Variants in CSMD3 observed in about 807,000 individuals in gnomAD.
CSMD3 encodes CUB and Sushi multiple domains 3.
Under a neutral mutation model 435.2 loss-of-function variants are expected in CSMD3, and 177 were observed. The ratio of observed to expected loss-of-function variants is 0.41; its 90% CI spans 0.36 to 0.46. The LOEUF (loss-of-function observed/expected upper bound fraction) is 0.46. Ranked by LOEUF, CSMD3 falls within the 20% of genes least tolerant of loss-of-function variation. CSMD3 has a pLI of 0.34. For missense variants in CSMD3, 4,265 were observed against 4,504.6 expected (o/e 0.95, Z 1.52); for synonymous variants, 1,656 against 1,520.5 (o/e 1.09, Z -2.07).
At chr8:113,043,656 T>G (rs1431510189) in intron 5 of CSMD3, among the ~76,000 whole-genome samples, 1 of 152,188 alleles carries the variant, frequency 6.6e-6, no homozygotes, top group Non-Finnish European at 1.5e-5. Flanking sequence ...TTTCAAATTG[T>G]GAGCTAAAGC....
chr8:113,424,601 G>T (rs1158927244), intron 1 of CSMD3, among the ~76,000 whole-genome samples: 1 of 151,190 alleles, frequency 6.6e-6, no homozygotes, highest in African/African-American at 2.4e-5. Context: ...AAAAAAAAGT[G>T]TAAGAGCACA....
intron 38 of CSMD3, among the ~76,000 whole-genome samples, chr8:112,362,204 C>A (rs1335466949): frequency 6.6e-6 from 1 of 151,896 alleles, no homozygotes; most frequent in African/African-American, 2.4e-5. Flanking sequence ...ATTGATTAAT[C>A]TACTAAACAA....
At chr8:112,249,465 G>T (rs542070941) in intron 63 of CSMD3, among the ~76,000 whole-genome samples, 1 of 150,652 alleles carries the variant, frequency 6.6e-6, no homozygotes, top group African/African-American at 2.4e-5. Context: ...TGCTGCTGCC[G>T]GTTAGGCGCT....
At chr8:112,276,797 C>CT (rs1220819572) in intron 59 of CSMD3, among the ~76,000 whole-genome samples, 1 of 152,166 alleles carries the variant, frequency 6.6e-6, no homozygotes, top group Middle Eastern at 3.2e-3. Flanking sequence ...CAATTCTTGA[C>CT]TTCTGTGCAC....
chr8:112,233,788 A>G (rs1813309762), intron 68 of CSMD3, among the ~76,000 whole-genome samples: 1 of 152,152 alleles, frequency 6.6e-6, no homozygotes, highest in Non-Finnish European at 1.5e-5. Flanking sequence ...CTCCACTCAC[A>G]TAAATCACTT....
intron 6 of CSMD3, among the ~76,000 whole-genome samples, chr8:113,016,437 G>C (rs2086461520): frequency 6.6e-6 from 1 of 151,658 alleles, no homozygotes; most frequent in African/African-American, 2.4e-5. Context: ...ATCAATTATG[G>C]AACACACTAT....
At chr8:112,833,885 C>A (rs1226644684) in intron 11 of CSMD3, among the ~76,000 whole-genome samples, 1 of 151,930 alleles carries the variant, frequency 6.6e-6, no homozygotes. Flanking sequence ...ATCACCCCAA[C>A]CTATTTCACA....
At chr8:112,637,108 CAT>C in intron 21 of CSMD3, 103 bp from the exon 22 acceptor site, 1 of 912,604 alleles carries the variant, frequency 1.1e-6, no homozygotes, top group Non-Finnish European at 1.8e-6. Flanking sequence ...AGAACCTAGT[CAT>C]ATATTTAGAA....
At chr8:112,975,804 C>G (rs2130930934) in intron 7 of CSMD3, 33 bp downstream of exon 7, 1 of 1,611,754 alleles carries the variant, frequency 6.2e-7, no homozygotes, top group Non-Finnish European at 8.5e-7. Context: ...TTGGCTGTAA[C>G]TAAATGGGCA....
chr8:112,749,434 G>T (rs2077516310), intron 13 of CSMD3, among the ~76,000 whole-genome samples: 1 of 152,058 alleles, frequency 6.6e-6, no homozygotes, highest in Admixed American at 6.5e-5. Context: ...GTCCAGGATG[G>T]TATAGCCTTT....
chr8:113,333,805 A>G (rs2132790410), intron 1 of CSMD3, among the ~76,000 whole-genome samples: 1 of 151,998 alleles, frequency 6.6e-6, no homozygotes, highest in East Asian at 1.9e-4. Flanking sequence ...ACGTCTACAA[A>G]AAGTCTTGTT....
chr8:113,033,930 A>G (rs1042754599), intron 5 of CSMD3, among the ~76,000 whole-genome samples: 1 of 151,130 alleles, frequency 6.6e-6, no homozygotes, highest in Non-Finnish European at 1.5e-5. Context: ...TTCTCAGGAG[A>G]TCTGATAGTT....
At chr8:113,024,351 G>A (rs1040149480) in intron 5 of CSMD3, among the ~76,000 whole-genome samples, 8 of 148,616 alleles carry the variant, frequency 5.4e-5, no homozygotes, top group Admixed American at 1.3e-4. Context: ...TTCTTAATCC[G>A]TTCATACATC....
Position 112,263,543 on chromosome 8 carries a change from C to G in CSMD3, c.9862+96G>C, listed in dbSNP as rs1461541265. The G allele has an allele frequency of 7.5e-6, 7 of 936,340 alleles. No homozygotes were observed. The East Asian group carries it at 1.8e-4, about 24-fold the overall frequency. 58.0% of individuals were successfully genotyped at this position (936,340 alleles called of 1,614,324 possible). On this transcript the variant is annotated intron_variant, in intron 61 of 70. Coordinates refer to ENST00000297405, the MANE Select transcript of CSMD3 (RefSeq NM_198123.2). ...GGTAAATACTGATTTTTCTTTGAAC[C>G]CTAATTAGGCATTGAAGGAAGCTTA...
intron 1 of CSMD3, among the ~76,000 whole-genome samples, chr8:113,367,706 G>C (rs1474651272): frequency 6.6e-6 from 1 of 151,746 alleles, no homozygotes; most frequent in Non-Finnish European, 1.5e-5. Flanking sequence ...TCCATTCAGG[G>C]CCTTTGCACT....
intron 13 of CSMD3, among the ~76,000 whole-genome samples, chr8:112,799,182 AAATT>A (rs2078901442): frequency 6.6e-6 from 1 of 151,884 alleles, no homozygotes; most frequent in African/African-American, 2.4e-5. Context: ...TGAACTATTC[AAATT>A]AATACAGTAC....
chr8:112,483,754 G>A (rs1819855854), intron 31 of CSMD3, among the ~76,000 whole-genome samples: 1 of 152,158 alleles, frequency 6.6e-6, no homozygotes, highest in South Asian at 2.1e-4. Flanking sequence ...AAAGCTTAGA[G>A]GTAATAGCAG....
chr8:112,531,935 C>T (rs1469186008), intron 27 of CSMD3, among the ~76,000 whole-genome samples: 1 of 151,906 alleles, frequency 6.6e-6, no homozygotes, highest in Non-Finnish European at 1.5e-5. Context: ...TTGGTGCATT[C>T]AAAATAGCTA....
Position 113,330,235 on chromosome 8 carries a change from A to C in CSMD3, c.179-15442T>G, listed in dbSNP as rs1437322596. On this transcript the variant is annotated intron_variant, in intron 1 of 70. Transcript: ENST00000297405. ...TTCTGTCTGTTTTGGAAATTAAGTT[A>C]GTATTAATCTGAACTAGAATGTTGA... Among the ~76,000 whole-genome samples the C allele has an allele frequency of 3.9e-5, 6 of 152,082 alleles. No homozygotes were observed. In the East Asian group the frequency reaches 1.2e-3, roughly 29 times the overall value.
Sources: allele counts gnomAD v4.1 joint callset (sites outside exome capture counted in the v4.1 genomes callset), GRCh38; gene constraint gnomAD v4.1.1; transcripts MANE v1.5; gene names NCBI Gene and HGNC (gene_info 2026-07-23, HGNC 2026-07-21).